The following SLC24A2 variants were observed in gnomAD, a reference collection of about 807,000 sequenced individuals.
SLC24A2 encodes sodium/potassium/calcium exchanger 2.
A neutral mutation model predicts 62.0 loss-of-function variants in SLC24A2; 36 were observed. The observed-to-expected ratio is 0.58, with a 90% CI of 0.44 to 0.77. The LOEUF (loss-of-function observed/expected upper bound fraction) is 0.77. Ranked by LOEUF, SLC24A2 falls within the 30% of genes least tolerant of loss-of-function variation. The pLI is 0.00. For synonymous variants in SLC24A2, 358 were observed against 294.0 expected (o/e 1.22, Z -2.23); for missense variants, 846 against 817.9 (o/e 1.03, Z -0.42).
At position 19,510,337 on chromosome 9, in the gene SLC24A2, A is replaced by C. The variant is rs910312875; in HGVS notation, c.*5816T>G. 2.6e-5 allele frequency: 4 copies of C among 151,968 alleles called. No homozygotes were observed. The highest frequency in any genetic ancestry group is 4.8e-5 in the African/African-American group (2 of 41,358). 9.4% of individuals were successfully genotyped at this position (151,968 alleles called of 1,614,324 possible). ...GGTTAAAGACTCAAATAAAAATCTA[A>C]AGATAATTTTAATTGAAAATAGGTA... On this transcript the variant is annotated 3_prime_UTR_variant, in exon 11 of 11. Coordinates refer to ENST00000341998, the MANE Select transcript of SLC24A2 (RefSeq NM_020344.4).
In SLC24A2 at chr9:19,516,349, G is replaced by A. The variant is rs1342894669; in HGVS notation, c.1790C>T (p.Ala597Val). Residue 597 changes from alanine (A) to valine (V), a missense_variant, in exon 11 of 11, where the codon GCT becomes GTT. By Grantham distance (64) the Ala-to-Val change is moderately conservative. Transcript: ENST00000341998. Reference protein sequence around the residue: ...YTVIHRFQPVAVSSNGLFCAI... With the variant: ...YTVIHRFQPVVVSSNGLFCAI... ...ACAGAAAAGGCCATTGCTGCTGACA[G>A]CCACTGGCTGGAATCTGTGAATGAC... 4 of 1,614,132 alleles carry A rather than the reference G, an allele frequency of 2.5e-6. No homozygotes were observed. The East Asian group carries it at 8.9e-5, about 36-fold the overall frequency.
At chr9:19,795,570 A>T in the SLC24A2 span, among the ~76,000 whole-genome samples, 1 of 152,118 alleles carries the variant, frequency 6.6e-6, no homozygotes, top group African/African-American at 2.4e-5. Context: ...TTTGTTTTTT[A>T]AAGTTTTTTT....
chr9:19,593,840 C>A (rs947203982), intron 5 of SLC24A2, among the ~76,000 whole-genome samples: 2 of 152,168 alleles, frequency 1.3e-5, no homozygotes, highest in African/African-American at 4.8e-5. Context: ...GTCTGCTTCT[C>A]TGAGTCTTAG....
chr9:19,727,772 C>A (rs1211953640), intron 2 of SLC24A2, among the ~76,000 whole-genome samples: 2 of 152,176 alleles, frequency 1.3e-5, no homozygotes, highest in Non-Finnish European at 2.9e-5. Context: ...ATTTACCTTA[C>A]ATCCCTCTCA....
At chr9:19,703,985 A>G (rs1179781652) in intron 2 of SLC24A2, among the ~76,000 whole-genome samples, 1 of 152,226 alleles carries the variant, frequency 6.6e-6, no homozygotes, top group Non-Finnish European at 1.5e-5. Context: ...TCATCCTAGC[A>G]GGGCAATTGG....
intron 4 of SLC24A2, among the ~76,000 whole-genome samples, chr9:19,612,972 T>C (rs1587037083): frequency 6.6e-6 from 1 of 152,220 alleles, no homozygotes; most frequent in African/African-American, 2.4e-5. Flanking sequence ...TCAATGTCGG[T>C]AGAGATATAA....
the SLC24A2 span, among the ~76,000 whole-genome samples, chr9:20,152,537 C>A: frequency 1.3e-5 from 2 of 151,772 alleles, no homozygotes; most frequent in Non-Finnish European, 2.9e-5. Context: ...GTGAACTTTC[C>A]CCATCCATCT....
At chr9:20,269,680 G>T in the SLC24A2 span, among the ~76,000 whole-genome samples, 2 of 152,216 alleles carry the variant, frequency 1.3e-5, no homozygotes, top group Non-Finnish European at 1.5e-5. Flanking sequence ...CCCTCACCAA[G>T]ATTTTTTTTC....
chr9:19,849,319 T>TG, the SLC24A2 span, among the ~76,000 whole-genome samples: 1 of 152,226 alleles, frequency 6.6e-6, no homozygotes, highest in Non-Finnish European at 1.5e-5. Flanking sequence ...TCTGTACACT[T>TG]GTGAAATGTC....
At chr9:20,102,156 A>G in the SLC24A2 span, among the ~76,000 whole-genome samples, 1 of 152,192 alleles carries the variant, frequency 6.6e-6, no homozygotes, top group Admixed American at 6.5e-5. Context: ...GTTGGAGCCT[A>G]AACCTACCTT....
At chr9:19,619,221 T>C (rs1201654932) in intron 4 of SLC24A2, among the ~76,000 whole-genome samples, 2 of 152,218 alleles carry the variant, frequency 1.3e-5, no homozygotes, top group African/African-American at 4.8e-5. Context: ...CAATTTATCT[T>C]CACACACAAT....
intron 2 of SLC24A2, among the ~76,000 whole-genome samples, chr9:19,777,296 C>T (rs1476944364): frequency 6.6e-6 from 1 of 152,102 alleles, no homozygotes; most frequent in Non-Finnish European, 1.5e-5. Context: ...ACATTTAAAA[C>T]AATTAATTAA....
chr9:20,153,414 T>C, the SLC24A2 span, among the ~76,000 whole-genome samples: 1 of 151,900 alleles, frequency 6.6e-6, no homozygotes, highest in Non-Finnish European at 1.5e-5. Context: ...AACACCTGCT[T>C]TGAAGTCAAG....
the SLC24A2 span, among the ~76,000 whole-genome samples, chr9:20,046,298 A>G: frequency 6.6e-6 from 1 of 152,178 alleles, no homozygotes; most frequent in Non-Finnish European, 1.5e-5. Context: ...GTAAGTAAGG[A>G]AAGAAAAAGA....
At chr9:20,064,812 T>C in the SLC24A2 span, among the ~76,000 whole-genome samples, 1 of 152,178 alleles carries the variant, frequency 6.6e-6, no homozygotes, top group African/African-American at 2.4e-5. Context: ...AATATGCATA[T>C]GAATCCATGA....
chr9:19,838,764 A>G, the SLC24A2 span, among the ~76,000 whole-genome samples: 2 of 150,124 alleles, frequency 1.3e-5, no homozygotes, highest in Non-Finnish European at 3.0e-5. Context: ...TTGTTTTCCT[A>G]ATTTAAAAAA....
intron 4 of SLC24A2, among the ~76,000 whole-genome samples, chr9:19,598,759 G>C (rs1836769886): frequency 6.6e-6 from 1 of 151,974 alleles, no homozygotes; most frequent in Non-Finnish European, 1.5e-5. Flanking sequence ...ATTCTTAAAT[G>C]ACCTAAATAC....
At chr9:20,243,412 A>C in the SLC24A2 span, among the ~76,000 whole-genome samples, 1 of 152,334 alleles carries the variant, frequency 6.6e-6, no homozygotes, top group East Asian at 1.9e-4. Flanking sequence ...TGTTATTTAT[A>C]AAAATTTGCA....
chr9:19,941,767 A>G, the SLC24A2 span, among the ~76,000 whole-genome samples: 31 of 152,288 alleles, frequency 2.0e-4, no homozygotes, highest in East Asian at 5.8e-3. Flanking sequence ...ATAACACGAT[A>G]CTGGATTATT....
Sources: gnomAD v4.1 joint callset for allele counts (sites outside exome capture counted in the v4.1 genomes callset) on GRCh38, gnomAD v4.1.1 for gene constraint, MANE v1.5 for transcripts, NCBI Gene and HGNC (gene_info 2026-07-23, HGNC 2026-07-21) for gene names.